MYO1F: variants seen among roughly 807,000 people sequenced by gnomAD.
MYO1F encodes the protein unconventional myosin-If.
MYO1F carries 60 observed loss-of-function variants against 146.6 expected under a neutral mutation model. That is an observed-to-expected ratio of 0.41 (90% CI 0.33 to 0.51). The LOEUF (loss-of-function observed/expected upper bound fraction) is 0.51. MYO1F is among the 20% of genes least tolerant of loss of function. The probability of loss-of-function intolerance (pLI) is 0.25; values close to 1 mark genes in which losing one functional copy is unlikely to be tolerated. For missense variants in MYO1F, 1,274 were observed against 1,534.3 expected (o/e 0.83, Z 2.83); for synonymous variants, 602 against 602.1 (o/e 1.00, Z 0.00).
intron 19 of MYO1F, among the ~76,000 whole-genome samples, chr19:8,533,094 T>C (rs1317755602): frequency 1.3e-5 from 2 of 152,066 alleles, no homozygotes; most frequent in South Asian, 4.2e-4. Flanking sequence ...CTTGCTCTGT[T>C]TCCCAGGCTG....
At chr19:8,546,984 C>G (rs987744892) in intron 12 of MYO1F, among the ~76,000 whole-genome samples, 7 of 152,044 alleles carry the variant, frequency 4.6e-5, no homozygotes, top group African/African-American at 1.7e-4. Flanking sequence ...CAGCCTCTCT[C>G]TCTCTCTTTG....
chr19:8,521,633 C>T (rs371750206), intron 27 of MYO1F, 29 bp from the exon 28 acceptor site: 12 of 1,606,640 alleles, frequency 7.5e-6, no homozygotes, highest in Non-Finnish European at 1.0e-5. Flanking sequence ...CTTGAGGTGC[C>T]CCTAGCTGGC....
intron 8 of MYO1F, chr19:8,551,536 G>A: frequency 1.6e-6 from 1 of 627,852 alleles, no homozygotes. Flanking sequence ...ATTTTAAGTA[G>A]AGACGGGGTT....
At position 8,536,510 on chromosome 19, in the gene MYO1F, T is replaced by C. The variant is rs1427024074; in HGVS notation, c.1887A>G (p.Lys629=). ...GGAGGGCTCCTCACCTCTGCAGGAATTTGGCGAACTGGCGGCGGTAGGCGA... is the reference window on the plus strand; with the variant it reads ...GGAGGGCTCCTCACCTCTGCAGGAACTTGGCGAACTGGCGGCGGTAGGCGA... ...AGFAYRRQFA[K]FLQRYAILTP... Residue 629 remains lysine (K), a synonymous_variant, in exon 18 of 28, where the codon AAA becomes AAG. Transcript: ENST00000644032. 2 of 1,612,930 alleles carry C rather than the reference T, an allele frequency of 1.2e-6. No individual in the cohort carries two copies. The highest frequency in any genetic ancestry group is 2.7e-5 in the African/African-American group (2 of 74,744).
At chr19:8,553,002 T>C in intron 6 of MYO1F, 137 bp downstream of exon 6, 1 of 840,874 alleles carries the variant, frequency 1.2e-6, no homozygotes, top group Non-Finnish European at 2.0e-6. Flanking sequence ...GAGTCTCCCC[T>C]TCAGGAGTAG....
intron 21 of MYO1F, chr19:8,529,813 G>T (rs1035612535): frequency 1.5e-5 from 6 of 402,038 alleles, no homozygotes; most frequent in African/African-American, 1.2e-4. Flanking sequence ...ATACCTGTGG[G>T]CAGGTGTGTC....
Position 8,522,553 on chromosome 19 carries a change from G to T in MYO1F, c.3051-7C>A, listed in dbSNP as rs1379913916. 1.2e-6 allele frequency: 2 copies of T among 1,610,764 alleles called. No homozygotes were observed. The highest frequency in any genetic ancestry group is 2.7e-5 in the African/African-American group (2 of 74,882). ...GCTGCGCTTCCTCTGCATGCTGTGG[G>T]CACAGGGGGTTTGAGTCACAGCCCC... is the stretch of plus-strand genomic sequence containing the variant. On this transcript the variant is annotated splice_polypyrimidine_tract_variant and splice_region_variant and intron_variant, in intron 26 of 27. Coordinates refer to ENST00000644032, the MANE Select transcript of MYO1F (RefSeq NM_012335.4).
At chr19:8,536,921 G>A (rs1972748222) in intron 17 of MYO1F, 28 bp downstream of exon 17, 2 of 1,350,914 alleles carry the variant, frequency 1.5e-6, no homozygotes. Context: ...TGGGGGGAAT[G>A]AATCTTGGAT....
chr19:8,547,076 T>C (rs1449003624), intron 12 of MYO1F, among the ~76,000 whole-genome samples: 1 of 151,928 alleles, frequency 6.6e-6, no homozygotes, highest in East Asian at 1.9e-4. Context: ...GGCAGGAGGA[T>C]TGCTTGAGGC....
At position 8,521,598 on chromosome 19, in the gene MYO1F, G is replaced by A. The variant is rs370292190; in HGVS notation, c.3227C>T (p.Ser1076Leu). The change falls in exon 28 of 28, where the codon TCG (serine) becomes TTG (leucine). Residue 1076 changes from serine to leucine, a missense_variant. Transcript: ENST00000644032. ...GTGAAGCCGGCCCTTCCACCAGCCC[G>A]AGGGATCTGTGGGAGAGAGGAAAGC... ...EVIEILMEDP[S>L]GWWKGRLHGQ... 29 of 1,613,902 alleles carry A rather than the reference G, an allele frequency of 1.8e-5. No homozygotes were observed. The highest frequency in any genetic ancestry group is 2.4e-5 in the Non-Finnish European group (28 of 1,179,982).
At chr19:8,537,832 C>T (rs557201019) in intron 16 of MYO1F, among the ~76,000 whole-genome samples, 16 of 152,030 alleles carry the variant, frequency 1.1e-4, no homozygotes, top group Non-Finnish European at 2.2e-4. Flanking sequence ...TGTGCTCAAG[C>T]GATCAACTGC....
Position 8,530,130 on chromosome 19 carries a change from T to G in MYO1F, c.2328+66A>C. On this transcript the variant is annotated intron_variant, in intron 21 of 27. Coordinates refer to ENST00000644032, the MANE Select transcript of MYO1F (RefSeq NM_012335.4). This position sits in a 1 kb window ranked among gnomAD's most constrained non-coding sequence, Gnocchi z 5.8. Reference sequence around the variant, plus strand: ...GGATATCTGGCTGTGGGCAGGTGCATCTGGGCCAGGTGAGGGTGCCAGGCT... The same window carrying G: ...GGATATCTGGCTGTGGGCAGGTGCAGCTGGGCCAGGTGAGGGTGCCAGGCT... The G allele has an allele frequency of 6.2e-7, 1 of 1,603,330 alleles. No homozygotes were observed. Among genetic ancestry groups the G allele is most frequent in the Non-Finnish European group, 8.5e-7 (1 of 1,171,676 alleles).
In MYO1F at chr19:8,527,378, T is replaced by C; in HGVS notation, c.2434A>G (p.Lys812Glu). The C allele has an allele frequency of 6.2e-7, 1 of 1,614,118 alleles. No homozygotes were observed. Reference sequence around the variant, plus strand: ...CGCAGAGCCTGGATGTCCACTTTCTTCTTCAAGACTTCACACACCTGGCCC... The same window carrying C: ...CGCAGAGCCTGGATGTCCACTTTCTCCTTCAAGACTTCACACACCTGGCCC... ...EKGQVCEVLK[K>E]KVDIQALRGV... Residue 812 changes from lysine (K) to glutamate (E), a missense_variant, in exon 22 of 28, where the codon AAG becomes GAG. By Grantham distance (56) the Lys-to-Glu change is moderately conservative (BLOSUM62 1). This residue lies in a region of MYO1F where 900 missense variants were observed against 1,155.1 expected (regional missense o/e 0.78). Transcript: ENST00000644032.
intron 19 of MYO1F, among the ~76,000 whole-genome samples, chr19:8,534,239 TC>T (rs1413662579): frequency 1.3e-5 from 2 of 151,986 alleles, no homozygotes; most frequent in African/African-American, 4.8e-5. Flanking sequence ...AGGCTCCAAC[TC>T]CATTAAGCTA....
chr19:8,539,344 G>A (rs962428800), intron 16 of MYO1F, among the ~76,000 whole-genome samples: 2 of 152,076 alleles, frequency 1.3e-5, no homozygotes, highest in Non-Finnish European at 2.9e-5. Flanking sequence ...AACCCAAGAG[G>A]CAGAGGTTGT....
chr19:8,573,515 G>A (rs1321840284), intron 1 of MYO1F, among the ~76,000 whole-genome samples: 1 of 151,720 alleles, frequency 6.6e-6, no homozygotes, highest in Non-Finnish European at 1.5e-5. Flanking sequence ...ATTCTCCCAC[G>A]ATCACCACCA....
In MYO1F at chr19:8,536,939, G is replaced by C. The variant is rs1445677383; in HGVS notation, c.1799+10C>G. ...GGGGAATGAATCTTGGATTGGTTGGGGGGGATCACCTGTTCTCCTCCCAGT... is the reference window on the plus strand; with the variant it reads ...GGGGAATGAATCTTGGATTGGTTGGCGGGGATCACCTGTTCTCCTCCCAGT... On this transcript the variant is annotated intron_variant, in intron 17 of 27. Transcript: ENST00000644032. The C allele has an allele frequency of 5.0e-6, 7 of 1,402,174 alleles. No homozygotes were observed. The highest frequency in any genetic ancestry group is 3.4e-5 in the East Asian group (1 of 29,256). The allele number at this position is 1,402,174 out of a possible 1,614,324, so 86.9% of individuals were successfully genotyped here. A position where few individuals can be genotyped will look rare whatever the true frequency, so the allele number is the denominator to read the frequency against.
At chr19:8,571,886 C>T (rs1555732030) in intron 1 of MYO1F, among the ~76,000 whole-genome samples, 3 of 151,988 alleles carry the variant, frequency 2.0e-5, no homozygotes, top group Admixed American at 6.6e-5. Context: ...TGTAAGCCAC[C>T]GCGCCCAGCC....
chr19:8,559,490 G>A (rs1405416309), intron 1 of MYO1F, among the ~76,000 whole-genome samples: 1 of 152,080 alleles, frequency 6.6e-6, no homozygotes, highest in Admixed American at 6.6e-5. Flanking sequence ...AACAGATGCT[G>A]CTGTGAGTCT....
Sources: allele counts gnomAD v4.1 joint callset (sites outside exome capture counted in the v4.1 genomes callset), GRCh38; gene constraint gnomAD v4.1.1; regional missense constraint gnomAD v4.1.1; non-coding constraint Gnocchi (gnomAD v3.1); transcripts MANE v1.5; gene names NCBI Gene and HGNC (gene_info 2026-07-23, HGNC 2026-07-21).